The following CHD1 variants were observed in gnomAD, a reference collection of about 807,000 sequenced individuals.
CHD1 encodes ATP-dependent chromatin remodeler CHD1.
CHD1 carries 36 observed loss-of-function variants against 224.2 expected under a neutral mutation model. That is an observed-to-expected ratio of 0.16 (90% confidence interval 0.12 to 0.21). The LOEUF is 0.21. Ranked by LOEUF, CHD1 falls within the 10% of genes least tolerant of loss-of-function variation. The probability of loss-of-function intolerance (pLI) is 1.00; values close to 1 mark genes in which losing one functional copy is unlikely to be tolerated. For missense variants in CHD1, 1,378 were observed against 1,994.8 expected, an observed-to-expected ratio of 0.69 and a Z score of 5.89; for synonymous variants, 668 against 658.3, an observed-to-expected ratio of 1.01 and a Z score of -0.23.
At position 98,855,279 on chromosome 5, in the gene CHD1, A is replaced by G. The variant is rs1332983525; in HGVS notation, c.*1101T>C. On this transcript the variant is annotated 3_prime_UTR_variant, in exon 36 of 36. Transcript: ENST00000614616. The stretch of plus-strand genomic sequence containing the variant: ...AGTGTGCATTGTAACAGTTTATATT[A>G]AAAGTCAATCAAGTTTATCTAAAAT... 3 of 152,598 alleles carry G rather than the reference A, an allele frequency of 2.0e-5. No individual in the cohort carries two copies. The highest frequency in any genetic ancestry group is 4.4e-5 in the Non-Finnish European group (3 of 68,016). The allele number at this position is 152,598 out of a possible 1,614,324, so 9.5% of individuals were successfully genotyped here. A position where few individuals can be genotyped will look rare whatever the true frequency, so the allele number is the denominator to read the frequency against.
At chr5:98,873,777 T>C in intron 25 of CHD1, 54 bp from the exon 26 acceptor site, 5 of 1,529,238 alleles carry the variant, frequency 3.3e-6, no homozygotes, top group Middle Eastern at 3.5e-4. Flanking sequence ...AGTGGTGCCA[T>C]TTAAGATTAA....
chr5:98,872,662 CTTAT>C, intron 26 of CHD1, 107 bp from the exon 27 acceptor site: 1 of 906,032 alleles, frequency 1.1e-6, no homozygotes, highest in Non-Finnish European at 1.7e-6. Flanking sequence ...ATAAGTATTC[CTTAT>C]TTATATTATT....
At chr5:98,895,565 C>T (rs185656586) in intron 12 of CHD1, among the ~76,000 whole-genome samples, 13 of 151,468 alleles carry the variant, frequency 8.6e-5, no homozygotes, top group Admixed American at 5.9e-4. Context: ...CCAGCCTGGG[C>T]AACATAGTGA....
chr5:98,922,108 TG>T (rs1753136599), intron 2 of CHD1, among the ~76,000 whole-genome samples: 1 of 152,026 alleles, frequency 6.6e-6, no homozygotes, highest in Non-Finnish European at 1.5e-5. Flanking sequence ...GCCAAGATCG[TG>T]CTACTGCACT....
At chr5:98,884,078 GTTTTTTTT>G (rs201222124) in intron 18 of CHD1, among the ~76,000 whole-genome samples, 1 of 130,956 alleles carries the variant, frequency 7.6e-6, no homozygotes, top group African/African-American at 2.8e-5. Context: ...TTTGTTTTTT[GTTTTTTTT>G]TTTTTGAGAC....
chr5:98,921,497 T>G (rs1223803391), intron 2 of CHD1, among the ~76,000 whole-genome samples: 5 of 152,206 alleles, frequency 3.3e-5, no homozygotes, highest in Non-Finnish European at 7.3e-5. Context: ...ACAGTTATAA[T>G]AAGCTCCCAA....
chr5:98,898,627 T>C, intron 9 of CHD1, 37 bp downstream of exon 9: 1 of 1,363,556 alleles, frequency 7.3e-7, no homozygotes. Flanking sequence ...ATTTCAAGCA[T>C]AAAAAGAAAG....
chr5:98,864,712 A>G (rs577133938), intron 31 of CHD1, among the ~76,000 whole-genome samples: 1 of 152,100 alleles, frequency 6.6e-6, no homozygotes, highest in East Asian at 1.9e-4. Context: ...ATAAATCCTC[A>G]CACCACTGCT....
Position 98,872,529 on chromosome 5 carries a change from G to T in CHD1, c.3598C>A (p.Pro1200Thr). ...TGGRLGKVKGPTFRISGVQVN... is the reference protein window; with the variant it reads ...TGGRLGKVKGTTFRISGVQVN... ...TGTACTCCTGATATTCGGAATGTTG[G>T]ACCCTTCACTTTTCCGAGTCTACCA... is the stretch of plus-strand genomic sequence containing the variant. The change falls in exon 27 of 36, where the codon CCA (proline) becomes ACA (threonine). Residue 1200 changes from proline (P) to threonine (T), a missense_variant. Coordinates refer to ENST00000614616, the MANE Select transcript of CHD1 (RefSeq NM_001270.4). The T allele has an allele frequency of 1.2e-6, 2 of 1,613,120 alleles. No homozygotes were observed. Among genetic ancestry groups the T allele is most frequent in the South Asian group, 2.2e-5 (2 of 90,836 alleles).
At chr5:98,864,687 CA>C (rs996268761) in intron 31 of CHD1, among the ~76,000 whole-genome samples, 1 of 151,834 alleles carries the variant, frequency 6.6e-6, no homozygotes, top group African/African-American at 2.4e-5. Flanking sequence ...GACCCTATTT[CA>C]AAAAAATAAA....
rs1455029496 is a variant in CHD1 at position 98,858,201 on chromosome 5, T to G, written c.4766A>C (p.Asp1589Ala). 6.2e-7 allele frequency: 1 copy of G among 1,612,994 alleles called. No individual in the cohort carries two copies. Among genetic ancestry groups the G allele is most frequent in the Non-Finnish European group, 8.5e-7 (1 of 1,179,284 alleles). ...TTACCTGCTGTCTTGCTTGTAGTGATCCCAATCACGATGGTCTTTACCATT... is the reference window on the plus strand; with the variant it reads ...TTACCTGCTGTCTTGCTTGTAGTGAGCCCAATCACGATGGTCTTTACCATT... ...FSNGKDHRDW[D>A]HYKQDSRYYS... Residue 1589 changes from aspartate to alanine, a missense_variant, in exon 35 of 36, where the codon GAT (aspartate) becomes GCT (alanine). Asp to Ala is a moderately radical substitution (Grantham distance 126). Transcript: ENST00000614616.
intron 16 of CHD1, 123 bp from the exon 17 acceptor site, chr5:98,888,363 T>TCA (rs1468641525): frequency 3.4e-5 from 26 of 759,440 alleles, no homozygotes; most frequent in Non-Finnish European, 4.0e-5. Context: ...GAAAACAACT[T>TCA]ATTTCACTTT....
intron 6 of CHD1, 42 bp from the exon 7 acceptor site, chr5:98,901,124 CTATA>C (rs754420490): frequency 1.1e-5 from 18 of 1,571,992 alleles, no homozygotes; most frequent in Non-Finnish European, 1.5e-5. Flanking sequence ...ATTTGAGAAA[CTATA>C]TACAAAAAGA....
intron 35 of CHD1, 151 bp from the exon 36 acceptor site, chr5:98,856,876 C>A: frequency 1.2e-5 from 7 of 604,696 alleles, no homozygotes; most frequent in East Asian, 1.1e-4. Flanking sequence ...TTAATTAACT[C>A]AAAAATCACT....
chr5:98,925,551 A>G (rs1343395443), intron 2 of CHD1, among the ~76,000 whole-genome samples: 1 of 152,144 alleles, frequency 6.6e-6, no homozygotes, highest in African/African-American at 2.4e-5. Flanking sequence ...CACATTCCTA[A>G]TTTCTATATA....
intron 35 of CHD1, 22 bp downstream of exon 35, chr5:98,858,158 C>A: frequency 6.2e-7 from 1 of 1,605,810 alleles, no homozygotes; most frequent in Non-Finnish European, 8.5e-7. Context: ...AGCAAAATTT[C>A]TAAAGTGACT....
chr5:98,881,972 C>T lies in CHD1; in HGVS notation c.2867+3G>A. On this transcript the variant is annotated splice_donor_region_variant and intron_variant, in intron 20 of 35. Transcript: ENST00000614616. Reference sequence around the variant, plus strand: ...GACATTTTTTTAATAATCAAGTAACCACCTTGATGGGGCAGAACCTGTATG... The same window carrying T: ...GACATTTTTTTAATAATCAAGTAACTACCTTGATGGGGCAGAACCTGTATG... 6.2e-7 allele frequency: 1 copy of T among 1,604,632 alleles called. No individual in the cohort carries two copies.
Position 98,856,228 on chromosome 5 carries a change from G to C in CHD1, c.*152C>G, listed in dbSNP as rs910377448. 8 of 598,892 alleles carry C rather than the reference G, an allele frequency of 1.3e-5. No individual in the cohort carries two copies. The highest frequency in any genetic ancestry group is 5.5e-5 in the East Asian group (2 of 36,054). 37.1% of individuals were successfully genotyped at this position (598,892 alleles called of 1,614,324 possible). ...TATAAAAATATTTTCTCTTCTGTTG[G>C]GATAATAGACCTTGCATCCTGGAAA... On this transcript the variant is annotated 3_prime_UTR_variant, in exon 36 of 36. Transcript: ENST00000614616.
chr5:98,880,722 A>G lies in CHD1; in HGVS notation c.3060+354T>C, dbSNP rs1750113041. 2.0e-5 allele frequency among the ~76,000 whole-genome samples: 3 copies of G among 152,186 alleles called. No individual in the cohort carries two copies. The South Asian group carries it at 6.2e-4, about 32-fold the overall frequency. On this transcript the variant is annotated intron_variant, in intron 22 of 35. Transcript: ENST00000614616. ...TATTTGTGATAAGTTAATGTCAAAA[A>G]CTGCTTCAAAAAAATATCAGCTGAA...
Sources: gnomAD v4.1 joint callset for allele counts (sites outside exome capture counted in the v4.1 genomes callset) on GRCh38, gnomAD v4.1.1 for gene constraint, MANE v1.5 for transcripts, NCBI Gene and HGNC (gene_info 2026-07-23, HGNC 2026-07-21) for gene names.